AUTS2: variants seen among roughly 807,000 people sequenced by gnomAD.
AUTS2 encodes autism susceptibility gene 2 protein.
Under a neutral mutation model 112.4 loss-of-function variants are expected in AUTS2, and 17 were observed. The ratio of observed to expected loss-of-function variants is 0.15; its 90% CI spans 0.10 to 0.23. The LOEUF is 0.23. Among genes scored for constraint, AUTS2 ranks in the 10% least tolerant of loss-of-function variants. The pLI, the probability that AUTS2 is intolerant of heterozygous loss-of-function variation, is 1.00. For synonymous variants in AUTS2, 751 were observed against 702.7 expected (o/e 1.07, Z -1.09); for missense variants, 1,510 against 1,701.6 (o/e 0.89, Z 1.98).
intron 1 of AUTS2, among the ~76,000 whole-genome samples, chr7:69,776,176 A>G (rs1171243356): frequency 6.6e-6 from 1 of 152,106 alleles, no homozygotes; most frequent in East Asian, 1.9e-4. Flanking sequence ...TTGGCAAGGG[A>G]ACTATGTGTG....
intron 4 of AUTS2, among the ~76,000 whole-genome samples, chr7:70,360,179 G>A (rs1185970793): frequency 6.6e-6 from 1 of 152,176 alleles, no homozygotes; most frequent in African/African-American, 2.4e-5. Context: ...CCAGGCTGGA[G>A]TGCAGTGGTG....
intron 14 of AUTS2, among the ~76,000 whole-genome samples, chr7:70,779,026 C>T (rs554299589): frequency 4.2e-4 from 64 of 152,306 alleles, no homozygotes; most frequent in African/African-American, 1.5e-3. Flanking sequence ...CGTTCATCTT[C>T]CCTTTTCAGC....
intron 5 of AUTS2, among the ~76,000 whole-genome samples, chr7:70,671,452 C>T (rs940754621): frequency 6.6e-6 from 1 of 152,202 alleles, no homozygotes; most frequent in Non-Finnish European, 1.5e-5. Flanking sequence ...AAATAGAATT[C>T]CTTATTTCAA....
intron 5 of AUTS2, among the ~76,000 whole-genome samples, chr7:70,681,357 C>T (rs948201233): frequency 4.3e-4 from 66 of 152,214 alleles, no homozygotes; most frequent in African/African-American, 1.5e-3. Context: ...GCTATTGATG[C>T]TGCCCCCACC....
intron 1 of AUTS2, among the ~76,000 whole-genome samples, chr7:69,863,086 G>A (rs1027465394): frequency 6.6e-6 from 1 of 151,988 alleles, no homozygotes; most frequent in African/African-American, 2.4e-5. Flanking sequence ...GTGGTGATAG[G>A]GTGTACATTC....
At chr7:70,769,602 G>A (rs1371307305) in intron 10 of AUTS2, among the ~76,000 whole-genome samples, 2 of 152,162 alleles carry the variant, frequency 1.3e-5, no homozygotes, top group African/African-American at 2.4e-5. Context: ...GGAGAATGGC[G>A]TGAACCCGGG....
At chr7:70,370,326 G>C (rs1792783719) in intron 4 of AUTS2, among the ~76,000 whole-genome samples, 1 of 151,902 alleles carries the variant, frequency 6.6e-6, no homozygotes, top group Non-Finnish European at 1.5e-5. Context: ...CTCCTTCCTT[G>C]CCCATTCCAC....
At chr7:69,717,789 C>T (rs1308529861) in intron 1 of AUTS2, among the ~76,000 whole-genome samples, 1 of 152,158 alleles carries the variant, frequency 6.6e-6, no homozygotes, top group African/African-American at 2.4e-5. Context: ...TGCATCCCTA[C>T]ACCCCCAATA....
intron 4 of AUTS2, among the ~76,000 whole-genome samples, chr7:70,140,529 GA>G (rs1806806067): frequency 6.6e-6 from 1 of 152,138 alleles, no homozygotes; most frequent in South Asian, 2.1e-4. Flanking sequence ...CAAAGCAGAA[GA>G]AACTGTCTTC....
At chr7:70,281,728 T>C (rs1001133598) in intron 4 of AUTS2, among the ~76,000 whole-genome samples, 4 of 152,146 alleles carry the variant, frequency 2.6e-5, no homozygotes, top group African/African-American at 7.2e-5. Flanking sequence ...CGGAGTAATG[T>C]TTCAGATCTA....
intron 1 of AUTS2, among the ~76,000 whole-genome samples, chr7:69,627,514 CA>C (rs532262011): frequency 6.7e-5 from 10 of 150,210 alleles, no homozygotes; most frequent in African/African-American, 1.7e-4. Context: ...AAAAAACAAA[CA>C]AAAAAAAACA....
At chr7:69,717,826 T>C (rs908782560) in intron 1 of AUTS2, among the ~76,000 whole-genome samples, 2 of 152,172 alleles carry the variant, frequency 1.3e-5, no homozygotes, top group Non-Finnish European at 2.9e-5. Context: ...TTTTGTTAAA[T>C]ACAGAAGCTA....
chr7:70,309,815 C>T (rs1789654413), intron 4 of AUTS2, among the ~76,000 whole-genome samples: 1 of 152,196 alleles, frequency 6.6e-6, no homozygotes, highest in South Asian at 2.1e-4. Flanking sequence ...AATAGCACAT[C>T]AGCGCTTCAG....
chr7:69,888,590 A>G (rs1202669456), intron 1 of AUTS2, among the ~76,000 whole-genome samples: 3 of 123,848 alleles, frequency 2.4e-5, no homozygotes, highest in African/African-American at 9.6e-5. Context: ...TTTTTAAATT[A>G]TTATTTTTTT....
intron 5 of AUTS2, among the ~76,000 whole-genome samples, chr7:70,642,790 C>CGTAA (rs34399786): frequency 0.84 from 127,804 of 151,778 alleles, 54,227 homozygotes; most frequent in African/African-American, 0.94. Flanking sequence ...CATAAACATG[C>CGTAA]GTGTCAACTC....
At chr7:70,110,804 T>G in intron 2 of AUTS2, among the ~76,000 whole-genome samples, 1 of 151,786 alleles carries the variant, frequency 6.6e-6, no homozygotes, top group Non-Finnish European at 1.5e-5. Context: ...TCTAATTGCA[T>G]TAGAGTGACT....
chr7:70,496,466 C>CAG (rs1491351739), intron 5 of AUTS2, among the ~76,000 whole-genome samples: 1 of 129,368 alleles, frequency 7.7e-6, no homozygotes, highest in Admixed American at 7.7e-5. Flanking sequence ...CGTACACAGT[C>CAG]ACACACACAC....
At chr7:70,228,291 T>C (rs1811871375) in intron 4 of AUTS2, among the ~76,000 whole-genome samples, 1 of 152,014 alleles carries the variant, frequency 6.6e-6, no homozygotes, top group South Asian at 2.1e-4. Flanking sequence ...TGTTTTTCAA[T>C]CTTTTTTAAA....
intron 1 of AUTS2, among the ~76,000 whole-genome samples, chr7:69,744,524 G>C (rs991011252): frequency 3.9e-5 from 6 of 151,992 alleles, no homozygotes; most frequent in Non-Finnish European, 4.4e-5. Context: ...AGAGCACCAA[G>C]ACTCTTTTTA....
Sources: gnomAD v4.1 joint callset for allele counts (sites outside exome capture counted in the v4.1 genomes callset) on GRCh38, gnomAD v4.1.1 for gene constraint, MANE v1.5 for transcripts, NCBI Gene and HGNC (gene_info 2026-07-23, HGNC 2026-07-21) for gene names.